The following FAM53B variants were observed in gnomAD, a reference collection of about 807,000 sequenced individuals.
The protein encoded by FAM53B is protein FAM53B.
A neutral mutation model predicts 32.7 loss-of-function variants in FAM53B; 12 were observed. That is an observed-to-expected ratio of 0.37 (90% CI 0.24 to 0.59). The LOEUF is 0.59. Among genes scored for constraint, FAM53B ranks in the 20% least tolerant of loss-of-function variants. The probability of loss-of-function intolerance (pLI) is 0.72; values close to 1 mark genes in which losing one functional copy is unlikely to be tolerated. For missense variants in FAM53B, 477 were observed against 577.7 expected, an observed-to-expected ratio of 0.83 and a Z score of 1.79; for synonymous variants, 234 against 228.7, an observed-to-expected ratio of 1.02 and a Z score of -0.21.
chr10:124,657,272 G>A (rs1307210324), intron 4 of FAM53B, among the ~76,000 whole-genome samples: 7 of 151,546 alleles, frequency 4.6e-5, no homozygotes, highest in African/African-American at 1.7e-4. Flanking sequence ...TAAGAAACCA[G>A]TGCTAAGCTA....
intron 1 of FAM53B, among the ~76,000 whole-genome samples, chr10:124,720,162 T>TAAA (rs1351549210): frequency 2.1e-5 from 2 of 95,984 alleles, no homozygotes; most frequent in Non-Finnish European, 2.2e-5. Flanking sequence ...AGACTTCATC[T>TAAA]AAAAAAAAAA....
At chr10:124,732,983 T>C (rs1297280388) in intron 1 of FAM53B, among the ~76,000 whole-genome samples, 1 of 152,236 alleles carries the variant, frequency 6.6e-6, no homozygotes, top group Non-Finnish European at 1.5e-5. Flanking sequence ...TGCTCAACTT[T>C]TGGCCTATGC....
chr10:124,657,139 CATAT>C (rs1036628289), intron 4 of FAM53B, among the ~76,000 whole-genome samples: 1 of 134,050 alleles, frequency 7.5e-6, no homozygotes, highest in African/African-American at 2.7e-5. Context: ...TGTGTATATA[CATAT>C]ATATGTGTAT....
chr10:124,728,105 G>A lies in FAM53B; in HGVS notation c.-175+15908C>T, dbSNP rs1056123801. 1.1e-4 allele frequency among the ~76,000 whole-genome samples: 17 copies of A among 152,108 alleles called. No individual in the cohort carries two copies. In the East Asian group the frequency reaches 1.2e-3, roughly 10 times the overall value. ...TTGGTTTGAAGATCTCCATGGACTC[G>A]CTTGGCTTCGCGATCCAGTCACACA... On this transcript the variant is annotated intron_variant, in intron 1 of 4. Transcript: ENST00000337318.
intron 2 of FAM53B, among the ~76,000 whole-genome samples, chr10:124,698,328 C>A (rs1177693606): frequency 2.0e-5 from 3 of 152,132 alleles, no homozygotes; most frequent in African/African-American, 4.8e-5. Flanking sequence ...GGCATGCATG[C>A]AGGAGGGCTT....
intron 4 of FAM53B, among the ~76,000 whole-genome samples, chr10:124,633,682 C>G (rs1357850074): frequency 2.6e-5 from 4 of 152,074 alleles, no homozygotes; most frequent in African/African-American, 9.7e-5. Flanking sequence ...AATCTCAAAG[C>G]AGAGGAGAAA....
intron 2 of FAM53B, among the ~76,000 whole-genome samples, chr10:124,697,704 G>A (rs983289986): frequency 1.3e-5 from 2 of 152,062 alleles, no homozygotes; most frequent in African/African-American, 4.8e-5. Context: ...GCCTCCTGGG[G>A]GGGATGCTTA....
chr10:124,656,973 G>A (rs1258946622), intron 4 of FAM53B, among the ~76,000 whole-genome samples: 3 of 151,186 alleles, frequency 2.0e-5, no homozygotes, highest in Non-Finnish European at 2.9e-5. Flanking sequence ...CACCAACATG[G>A]CACATGTATA....
At chr10:124,697,627 C>T (rs903028974) in intron 2 of FAM53B, among the ~76,000 whole-genome samples, 2 of 152,212 alleles carry the variant, frequency 1.3e-5, no homozygotes, top group Admixed American at 6.5e-5. Flanking sequence ...AGACAAACCA[C>T]AGGGAGATCA....
Position 124,681,984 on chromosome 10 carries a change from G to A in FAM53B, c.529C>T (p.Leu177Phe), listed in dbSNP as rs774379800. The A allele has an allele frequency of 1.9e-6, 3 of 1,614,102 alleles. No homozygotes were observed. The Admixed American group carries it at 5.0e-5, about 27-fold the overall frequency. ...SFSLPSRANV[L>F]SSPCDQAGLH... ...CCTGCCTGGTCGCAGGGTGAGGAGAGCACGTTGGCCCGGGAAGGGAGGCTG... is the reference window on the plus strand; with the variant it reads ...CCTGCCTGGTCGCAGGGTGAGGAGAACACGTTGGCCCGGGAAGGGAGGCTG... The change falls in exon 4 of 5, where the codon CTC becomes TTC. Residue 177 changes from leucine (L) to phenylalanine (F), a missense_variant. Leu to Phe is a conservative substitution (Grantham distance 22, BLOSUM62 0). Around this residue, in one of 2 missense-constraint regions of FAM53B, gnomAD observed 312 missense variants for 420.2 expected, o/e 0.74. Coordinates refer to ENST00000337318, the MANE Select transcript of FAM53B (RefSeq NM_014661.4).
At chr10:124,665,010 G>A (rs2134059055) in intron 4 of FAM53B, among the ~76,000 whole-genome samples, 1 of 152,278 alleles carries the variant, frequency 6.6e-6, no homozygotes, top group Non-Finnish European at 1.5e-5. Flanking sequence ...TCCTGGTAAG[G>A]TAGAGGGAGA....
chr10:124,681,348 G>GC (rs1469209027), intron 4 of FAM53B, among the ~76,000 whole-genome samples: 1 of 152,074 alleles, frequency 6.6e-6, no homozygotes, highest in Non-Finnish European at 1.5e-5. Context: ...CCAACACCCC[G>GC]CCTCTCACCA....
chr10:124,739,576 G>C (rs1545910), intron 1 of FAM53B, among the ~76,000 whole-genome samples: 114,168 of 152,124 alleles, frequency 0.75, 43,009 homozygotes, highest in South Asian at 0.85. Flanking sequence ...GGCTGTTTAC[G>C]AACATGATTT....
At chr10:124,689,972 A>C (rs1169862446) in intron 3 of FAM53B, among the ~76,000 whole-genome samples, 2 of 152,236 alleles carry the variant, frequency 1.3e-5, no homozygotes, top group Non-Finnish European at 2.9e-5. Context: ...TAGTATTTGC[A>C]CTGGCAACAA....
At chr10:124,646,395 G>T (rs182513279) in intron 4 of FAM53B, among the ~76,000 whole-genome samples, 6 of 152,244 alleles carry the variant, frequency 3.9e-5, no homozygotes, top group African/African-American at 1.4e-4. Flanking sequence ...CCTGACAGGA[G>T]AGAGGAGGAG....
chr10:124,637,570 C>T (rs1949441514), intron 4 of FAM53B, among the ~76,000 whole-genome samples: 1 of 152,186 alleles, frequency 6.6e-6, no homozygotes, highest in Admixed American at 6.5e-5. Context: ...ACCCAATGGG[C>T]ATGTCCCTGC....
At chr10:124,680,069 T>A (rs1375598731) in intron 4 of FAM53B, among the ~76,000 whole-genome samples, 1 of 152,216 alleles carries the variant, frequency 6.6e-6, no homozygotes, top group Non-Finnish European at 1.5e-5. Flanking sequence ...TTAACCTATT[T>A]AAATTTTTCT....
At chr10:124,729,675 CTAACAGGAGCAAT>C (rs1347559895) in intron 1 of FAM53B, among the ~76,000 whole-genome samples, 2 of 152,222 alleles carry the variant, frequency 1.3e-5, no homozygotes, top group Non-Finnish European at 2.9e-5. Flanking sequence ...CCAGCCATTC[CTAACAGGAGCAAT>C]GGACTGGACT....
At chr10:124,628,574 G>C (rs903538674) in intron 4 of FAM53B, among the ~76,000 whole-genome samples, 1 of 152,182 alleles carries the variant, frequency 6.6e-6, no homozygotes. Flanking sequence ...GCTTCACAGG[G>C]CCACTGCAAG....
Sources: allele counts gnomAD v4.1 joint callset (sites outside exome capture counted in the v4.1 genomes callset), GRCh38; gene constraint gnomAD v4.1.1; regional missense constraint gnomAD v4.1.1; transcripts MANE v1.5; gene names NCBI Gene and HGNC (gene_info 2026-07-23, HGNC 2026-07-21).